Variants in BCAS3 observed in about 807,000 individuals in gnomAD.
BCAS3 encodes the protein BCAS3 microtubule associated cell migration factor.
BCAS3 carries 53 observed loss-of-function variants against 116.1 expected under a neutral mutation model. The observed-to-expected ratio is 0.46, with a 90% CI of 0.37 to 0.57. The LOEUF (loss-of-function observed/expected upper bound fraction) is 0.57, where lower values mean the gene tolerates loss of function less well. Ranked by LOEUF, BCAS3 falls within the 20% of genes least tolerant of loss-of-function variation. The pLI is 0.00. For missense variants in BCAS3, 917 were observed against 1,165.4 expected, an observed-to-expected ratio of 0.79 and a Z score of 3.10; for synonymous variants, 391 against 408.2, an observed-to-expected ratio of 0.96 and a Z score of 0.51.
chr17:61,323,414 TTG>T lies in BCAS3; in HGVS notation c.2426-44912_2426-44911del, dbSNP rs2055475825. On this transcript the variant is annotated intron_variant, in intron 22 of 23. Transcript: ENST00000407086. This position sits in a 1 kb window ranked among gnomAD's most constrained non-coding sequence, Gnocchi z 4.6. ...CCAGCCCCGGGTTCTAGTCTCAGCT[TTG>T]ACCCTCCCTGGTAAGCTGTATAATC... Among the ~76,000 whole-genome samples, 1 of 152,198 alleles carries T rather than the reference TTG, an allele frequency of 6.6e-6. No homozygotes were observed. Among genetic ancestry groups the T allele is most frequent in the South Asian group, 2.1e-4 (1 of 4,832 alleles).
rs1223274499 is a variant in BCAS3 at position 60,979,134 on chromosome 17, A to G, written c.1222-10837A>G. Among the ~76,000 whole-genome samples, 8 of 150,680 alleles carry G rather than the reference A, an allele frequency of 5.3e-5. No individual in the cohort carries two copies. The East Asian group carries it at 1.6e-3, about 30-fold the overall frequency. On this transcript the variant is annotated intron_variant, in intron 14 of 23. Coordinates refer to ENST00000407086, the MANE Select transcript of BCAS3 (RefSeq NM_017679.5). ...ACGATATTGATTCTTCCTACCCATG[A>G]GCATGAAATGTTCTTCCATTTGTTT...
chr17:61,141,010 C>T lies in BCAS3; in HGVS notation c.2425+56446C>T, dbSNP rs1464724806. On this transcript the variant is annotated intron_variant, in intron 22 of 23. Transcript: ENST00000407086. The surrounding 1 kb of genome is among the most constrained non-coding windows in gnomAD (Gnocchi z 4.3). The stretch of plus-strand genomic sequence containing the variant: ...GCATGAAGCCCGTGAGAGATCATTG[C>T]TACCACTTCTACTTTTCATTATCAT... Among the ~76,000 whole-genome samples, 1 of 152,014 alleles carries T rather than the reference C, an allele frequency of 6.6e-6. No individual in the cohort carries two copies. The highest frequency in any genetic ancestry group is 1.5e-5 in the Non-Finnish European group (1 of 68,020).
intron 22 of BCAS3, among the ~76,000 whole-genome samples, chr17:61,173,901 G>A (rs931559245): frequency 7.9e-5 from 12 of 151,974 alleles, no homozygotes; most frequent in African/African-American, 2.9e-4. Flanking sequence ...ACCCAAAAAC[G>A]ATAATACAGA....
intron 14 of BCAS3, among the ~76,000 whole-genome samples, chr17:60,958,637 G>A (rs2061262741): frequency 2.0e-5 from 3 of 152,276 alleles, no homozygotes; most frequent in East Asian, 1.9e-4. Context: ...CCATAGACTC[G>A]ATGTAATCTG....
intron 22 of BCAS3, among the ~76,000 whole-genome samples, chr17:61,206,070 T>C (rs1006313478): frequency 1.3e-5 from 2 of 152,234 alleles, no homozygotes; most frequent in African/African-American, 4.8e-5. Flanking sequence ...TAGGTTTTTT[T>C]CATTTATATG....
At chr17:61,142,081 T>C (rs2076954367) in intron 22 of BCAS3, among the ~76,000 whole-genome samples, 1 of 152,150 alleles carries the variant, frequency 6.6e-6, no homozygotes, top group Admixed American at 6.5e-5. Flanking sequence ...CATGTAAGAT[T>C]CTCTTGTTTT....
intron 22 of BCAS3, among the ~76,000 whole-genome samples, chr17:61,268,129 C>G (rs577914821): frequency 2.6e-5 from 4 of 152,320 alleles, no homozygotes; most frequent in African/African-American, 9.6e-5. Context: ...ATCTCTGCTT[C>G]TTCCACCTTT....
Position 60,713,497 on chromosome 17 carries a change from G to A in BCAS3, c.321+4172G>A, listed in dbSNP as rs145767824. ...TTGGCCCTCTATATACGTGTGTTGC[G>A]CATCTGCAGATTCAACCAACTGTGG... On this transcript the variant is annotated intron_variant, in intron 5 of 23. Transcript: ENST00000407086. Among the ~76,000 whole-genome samples, 35 of 152,000 alleles carry A rather than the reference G, an allele frequency of 2.3e-4. No individual in the cohort carries two copies. The East Asian group carries it at 3.1e-3, about 13-fold the overall frequency.
At chr17:60,770,847 T>TG (rs1568213664) in intron 6 of BCAS3, among the ~76,000 whole-genome samples, 2 of 81,086 alleles carry the variant, frequency 2.5e-5, no homozygotes, top group Non-Finnish European at 4.0e-5. Context: ...TTTTTTTTTT[T>TG]TTTTTTTTTT....
chr17:61,117,141 A>G (rs1053034687), intron 22 of BCAS3, among the ~76,000 whole-genome samples: 4 of 152,202 alleles, frequency 2.6e-5, no homozygotes, highest in Admixed American at 1.3e-4. Context: ...TACATATTTC[A>G]TTATAATCTC....
chr17:61,116,154 G>T (rs1434510413), intron 22 of BCAS3, among the ~76,000 whole-genome samples: 1 of 151,934 alleles, frequency 6.6e-6, no homozygotes, highest in Admixed American at 6.6e-5. Context: ...TAACGAGTTA[G>T]TGGGTGCAGC....
At chr17:61,069,269 T>C in intron 19 of BCAS3, among the ~76,000 whole-genome samples, 1 of 151,954 alleles carries the variant, frequency 6.6e-6, no homozygotes, top group Middle Eastern at 3.4e-3. Flanking sequence ...GGGTTTGCGA[T>C]AGGGAAGGTA....
chr17:60,681,730 A>G (rs2033150479), intron 2 of BCAS3, among the ~76,000 whole-genome samples: 1 of 134,830 alleles, frequency 7.4e-6, no homozygotes, highest in African/African-American at 2.8e-5. Context: ...TTTTGTATAC[A>G]TATATATATA....
chr17:60,890,221 A>G (rs1046317285), intron 10 of BCAS3, among the ~76,000 whole-genome samples: 3 of 152,218 alleles, frequency 2.0e-5, no homozygotes, highest in African/African-American at 7.2e-5. Context: ...TGGGAGGCTG[A>G]GGCAGGTGGA....
intron 6 of BCAS3, among the ~76,000 whole-genome samples, chr17:60,764,133 C>G (rs889215030): frequency 3.3e-5 from 5 of 150,280 alleles, no homozygotes; most frequent in Admixed American, 3.3e-4. Flanking sequence ...GTTATCTTTT[C>G]AAAAAACCAG....
chr17:61,148,745 A>T (rs754667055), intron 22 of BCAS3, among the ~76,000 whole-genome samples: 20 of 152,338 alleles, frequency 1.3e-4, no homozygotes, highest in Admixed American at 7.2e-4. Context: ...GTAGAAATCT[A>T]CTGCAGGTCT....
chr17:61,163,985 G>C (rs1414871963), intron 22 of BCAS3, among the ~76,000 whole-genome samples: 1 of 79,582 alleles, frequency 1.3e-5, no homozygotes, highest in Non-Finnish European at 2.3e-5. Context: ...CAACAAGAAC[G>C]AAACTCCATC....
chr17:60,971,623 C>T (rs1337247687), intron 14 of BCAS3, among the ~76,000 whole-genome samples: 3 of 152,148 alleles, frequency 2.0e-5, no homozygotes, highest in Non-Finnish European at 4.4e-5. Flanking sequence ...GTCAATCAGG[C>T]CCAGGTATTT....
chr17:61,268,513 T>C (rs1160366549), intron 22 of BCAS3, among the ~76,000 whole-genome samples: 1 of 152,212 alleles, frequency 6.6e-6, no homozygotes. Flanking sequence ...TTTTTCATCA[T>C]ACAAAACTGA....
Sources: allele counts gnomAD v4.1 joint callset (sites outside exome capture counted in the v4.1 genomes callset), GRCh38; gene constraint gnomAD v4.1.1; non-coding constraint Gnocchi (gnomAD v3.1); transcripts MANE v1.5; gene names NCBI Gene and HGNC (gene_info 2026-07-23, HGNC 2026-07-21).